The following EIF4G3 variants were observed in gnomAD, a reference collection of about 807,000 sequenced individuals.
EIF4G3 encodes the protein eIF-4-gamma 3.
In EIF4G3, 34 loss-of-function variants were observed where a neutral mutation model predicts 186.4. The ratio of observed to expected loss-of-function variants is 0.18; its 90% CI spans 0.14 to 0.24. The LOEUF is 0.24. Ranked by LOEUF, EIF4G3 falls within the 10% of genes least tolerant of loss-of-function variation. The pLI is 1.00. For missense variants in EIF4G3, 1,536 were observed against 1,948.5 expected, an observed-to-expected ratio of 0.79 and a Z score of 3.99; for synonymous variants, 673 against 679.5, an observed-to-expected ratio of 0.99 and a Z score of 0.15.
In EIF4G3 at chr1:20,941,640, T is replaced by C. The variant is rs1558343858; in HGVS notation, c.1514A>G (p.Gln505Arg). 6.2e-7 allele frequency: 1 copy of C among 1,614,154 alleles called. No individual in the cohort carries two copies. Among genetic ancestry groups the C allele is most frequent in the Non-Finnish European group, 8.5e-7 (1 of 1,180,016 alleles). Residue 505 changes from glutamine to arginine, a missense_variant, in exon 14 of 37, where the codon CAG (glutamine) becomes CGG (arginine). Coordinates refer to ENST00000602326, the MANE Select transcript of EIF4G3 (RefSeq NM_001391906.1). ...GCTCTCGTCCTCCTCTAGGACTCTC[T>C]GGACTGTGATGGCAGCACTCGGAGA... is the stretch of plus-strand genomic sequence containing the variant. ...VSSPSAAITV[Q>R]RVLEEDESIR...
At chr1:21,129,954 T>C (rs1404626651) in intron 2 of EIF4G3, among the ~76,000 whole-genome samples, 1 of 152,142 alleles carries the variant, frequency 6.6e-6, no homozygotes, top group Non-Finnish European at 1.5e-5. Context: ...AAGGCTGAGA[T>C]GAGGGTGGAT....
intron 14 of EIF4G3, among the ~76,000 whole-genome samples, chr1:20,936,289 A>C (rs1247099887): frequency 1.3e-5 from 2 of 152,222 alleles, no homozygotes; most frequent in East Asian, 3.8e-4. Flanking sequence ...AACAAGGTGG[A>C]GAAAACCTTT....
At chr1:20,858,137 T>C (rs1273421229) in intron 24 of EIF4G3, among the ~76,000 whole-genome samples, 3 of 152,238 alleles carry the variant, frequency 2.0e-5, no homozygotes, top group African/African-American at 7.2e-5. Flanking sequence ...GTGCTCATCA[T>C]GGCAGCCAGT....
chr1:21,042,665 T>C (rs2093651262), intron 4 of EIF4G3, among the ~76,000 whole-genome samples: 2 of 152,140 alleles, frequency 1.3e-5, no homozygotes, highest in Admixed American at 6.5e-5. Flanking sequence ...TATACCCATT[T>C]GCCTGACTAA....
Position 20,810,896 on chromosome 1 carries a change from A to G in EIF4G3, c.4598-12T>C. 6.2e-7 allele frequency: 1 copy of G among 1,606,016 alleles called. No homozygotes were observed. The highest frequency in any genetic ancestry group is 8.5e-7 in the Non-Finnish European group (1 of 1,174,186). On this transcript the variant is annotated splice_polypyrimidine_tract_variant and intron_variant, in intron 35 of 36. Coordinates refer to ENST00000602326, the MANE Select transcript of EIF4G3 (RefSeq NM_001391906.1). This position sits in a 1 kb window ranked among gnomAD's most constrained non-coding sequence, Gnocchi z 4.1. ...GGTAGAAGAGTCGGCTAAAGGTGAT[A>G]GAAGAACTAGGAATTACATTTAAGG...
intron 10 of EIF4G3, among the ~76,000 whole-genome samples, chr1:20,973,624 A>C (rs747142989): frequency 1.6e-4 from 25 of 152,186 alleles, no homozygotes; most frequent in Admixed American, 2.6e-4. Context: ...GGGTGGAAAA[A>C]AGGCTCAGAA....
rs752197358 is a variant in EIF4G3 at position 20,807,315 on chromosome 1, A to T, written c.*4T>A. The T allele has an allele frequency of 2.6e-6, 4 of 1,559,102 alleles. No individual in the cohort carries two copies. The Admixed American group carries it at 7.8e-5, about 30-fold the overall frequency. Reference sequence around the variant, plus strand: ...CTTTTGTTTCATTTTGTGTATTTGAAGTTTTAGTTATCCTCAGACTCCTCT... The same window carrying T: ...CTTTTGTTTCATTTTGTGTATTTGATGTTTTAGTTATCCTCAGACTCCTCT... On this transcript the variant is annotated 3_prime_UTR_variant, in exon 37 of 37. Transcript: ENST00000602326.
chr1:21,164,071 G>C (rs908621983), intron 2 of EIF4G3, among the ~76,000 whole-genome samples: 2 of 152,088 alleles, frequency 1.3e-5, no homozygotes, highest in East Asian at 1.9e-4. Context: ...ACTGTGCCCA[G>C]CTCCAATTTT....
rs753573835 is a variant in EIF4G3, at chr1:20,969,628, G to C, written c.592-32C>G. 6.2e-6 allele frequency: 10 copies of C among 1,605,312 alleles called. No individual in the cohort carries two copies. The East Asian group carries it at 2.2e-4, about 36-fold the overall frequency. On this transcript the variant is annotated intron_variant, in intron 11 of 36. Transcript: ENST00000602326. ...GGTTAAATAAAATGACATATGTACA[G>C]ATGAGTGTCTGTGTAGCAAATTTAT...
intron 3 of EIF4G3, among the ~76,000 whole-genome samples, chr1:21,079,403 C>CACACCT (rs2095690164): frequency 6.6e-6 from 1 of 150,734 alleles, no homozygotes; most frequent in Non-Finnish European, 1.5e-5. Context: ...AGCAGTGGCT[C>CACACCT]ACACCTATAA....
chr1:20,955,078 A>C (rs74613865), intron 12 of EIF4G3, among the ~76,000 whole-genome samples: 2,340 of 152,284 alleles, frequency 0.015, 20 homozygotes, highest in Non-Finnish European at 0.023. Context: ...ATGCAGAAAG[A>C]ACAGGGGAAT....
chr1:21,087,438 C>T (rs1302753535), intron 3 of EIF4G3, among the ~76,000 whole-genome samples: 1 of 152,106 alleles, frequency 6.6e-6, no homozygotes, highest in East Asian at 1.9e-4. Context: ...GCCTGCTCAA[C>T]CAAGTAAGAA....
Position 20,969,482 on chromosome 1 carries a change from GAGT to G in EIF4G3, c.703_705del (p.Thr235del). 1 of 1,613,784 alleles carries G rather than the reference GAGT, an allele frequency of 6.2e-7. No homozygotes were observed. Among genetic ancestry groups the G allele is most frequent in the Non-Finnish European group, 8.5e-7 (1 of 1,179,758 alleles). On this transcript the variant is annotated inframe_deletion, in exon 12 of 37. Transcript: ENST00000602326. The stretch of plus-strand genomic sequence containing the variant: ...AGCTCACTCTGTCTTACCTGAGGAG[GAGT>G]AGGTGTGGACGTGGGTCTTCCTATG...
At position 20,901,541 on chromosome 1, in the gene EIF4G3, A is replaced by G. The variant is rs148534416; in HGVS notation, c.1753-1598T>C. 3.2e-3 allele frequency among the ~76,000 whole-genome samples: 483 copies of G among 152,276 alleles called. 2 individuals are homozygous for G. Among genetic ancestry groups the G allele is most frequent in the African/African-American group, 0.011 (454 of 41,568 alleles). The stretch of plus-strand genomic sequence containing the variant: ...AGTGCATCCTCTTCTCTGTACCTAC[A>G]ATCAACAACAGTCTATCATATATAA... On this transcript the variant is annotated intron_variant, in intron 15 of 36. Coordinates refer to ENST00000602326, the MANE Select transcript of EIF4G3 (RefSeq NM_001391906.1).
At chr1:21,137,360 G>C (rs2102600381) in intron 2 of EIF4G3, among the ~76,000 whole-genome samples, 1 of 151,894 alleles carries the variant, frequency 6.6e-6, no homozygotes, top group South Asian at 2.1e-4. Flanking sequence ...TGCTCAGGCT[G>C]GTCTCAAACT....
intron 2 of EIF4G3, chr1:21,175,161 TAGGG>T (rs1457747041): frequency 6.6e-6 from 1 of 152,166 alleles, no homozygotes; most frequent in Non-Finnish European, 1.5e-5. Flanking sequence ...ACAGTGGGTG[TAGGG>T]AGGAGGTGAT....
At chr1:20,862,870 G>C (rs1012954806) in intron 22 of EIF4G3, among the ~76,000 whole-genome samples, 2 of 152,054 alleles carry the variant, frequency 1.3e-5, no homozygotes, top group African/African-American at 4.8e-5. Flanking sequence ...AATCTCCTGG[G>C]CTTAAGTGAT....
chr1:21,135,183 G>A (rs1310864921), intron 2 of EIF4G3, among the ~76,000 whole-genome samples: 1 of 152,178 alleles, frequency 6.6e-6, no homozygotes. Flanking sequence ...ACCACCCGCA[G>A]AGTCACAACA....
chr1:21,018,923 C>CTTT (rs138213734), intron 4 of EIF4G3, among the ~76,000 whole-genome samples: 1 of 146,910 alleles, frequency 6.8e-6, no homozygotes. Context: ...TAATAAAGCT[C>CTTT]TTTTTTTTTT....
Sources: gnomAD v4.1 joint callset for allele counts (sites outside exome capture counted in the v4.1 genomes callset) on GRCh38, gnomAD v4.1.1 for gene constraint, Gnocchi (gnomAD v3.1) non-coding constraint, MANE v1.5 for transcripts, NCBI Gene and HGNC (gene_info 2026-07-23, HGNC 2026-07-21) for gene names.